The following ST3GAL2 variants were observed in gnomAD, a reference collection of about 807,000 sequenced individuals.
ST3GAL2 encodes the protein ST3 beta-galactoside alpha-2,3-sialyltransferase 2.
In ST3GAL2, 16 loss-of-function variants were observed where a neutral mutation model predicts 37.5. The observed-to-expected ratio is 0.43, with a 90% CI of 0.29 to 0.65. The LOEUF (loss-of-function observed/expected upper bound fraction) is 0.65, where lower values mean the gene tolerates loss of function less well. Ranked by LOEUF, ST3GAL2 falls within the 30% of genes least tolerant of loss-of-function variation. The probability of loss-of-function intolerance (pLI) is 0.17; values close to 1 mark genes in which losing one functional copy is unlikely to be tolerated. For synonymous variants in ST3GAL2, 238 were observed against 202.9 expected (o/e 1.17, Z -1.47); for missense variants, 383 against 487.8 (o/e 0.79, Z 2.02).
chr16:70,438,109 T>C (rs1321689748), intron 1 of ST3GAL2, among the ~76,000 whole-genome samples: 3 of 152,106 alleles, frequency 2.0e-5, no homozygotes, highest in African/African-American at 2.4e-5. Context: ...AAGGCTAACT[T>C]GAGCAAGCAA....
At chr16:70,408,716 G>A (rs920259427) in intron 1 of ST3GAL2, among the ~76,000 whole-genome samples, 9 of 151,246 alleles carry the variant, frequency 6.0e-5, no homozygotes, top group African/African-American at 2.2e-4. Context: ...TCTTGATGCC[G>A]CCCAGAGTTT....
At chr16:70,425,804 C>T (rs1291268898) in intron 1 of ST3GAL2, among the ~76,000 whole-genome samples, 3 of 152,136 alleles carry the variant, frequency 2.0e-5, no homozygotes, top group African/African-American at 7.2e-5. Flanking sequence ...CTTGATAAAT[C>T]GACCCAGCTC....
chr16:70,383,601 G>A (rs979995730), intron 4 of ST3GAL2, among the ~76,000 whole-genome samples: 4 of 150,836 alleles, frequency 2.7e-5, no homozygotes, highest in African/African-American at 9.8e-5. Flanking sequence ...GGAGGGGAAG[G>A]GAAAGGGAAG....
chr16:70,406,969 T>C (rs2047596742), intron 1 of ST3GAL2, among the ~76,000 whole-genome samples: 1 of 152,116 alleles, frequency 6.6e-6, no homozygotes, highest in Non-Finnish European at 1.5e-5. Context: ...AGTGTCGTCC[T>C]GGAGGGGGGC....
At chr16:70,436,395 G>C (rs751857720) in intron 1 of ST3GAL2, among the ~76,000 whole-genome samples, 4 of 149,852 alleles carry the variant, frequency 2.7e-5, no homozygotes, top group Non-Finnish European at 4.4e-5. Flanking sequence ...AGGCTGCAGT[G>C]AGCCGAGATC....
At chr16:70,391,068 C>CTA (rs768409075) in intron 3 of ST3GAL2, among the ~76,000 whole-genome samples, 1 of 152,142 alleles carries the variant, frequency 6.6e-6, no homozygotes, top group Non-Finnish European at 1.5e-5. Flanking sequence ...CATTCCCTGT[C>CTA]CTTAGAGTGG....
rs1192370413 is a variant in ST3GAL2, at chr16:70,376,033, C to G, written c.*5656G>C. 6.6e-6 allele frequency: 1 copy of G among 152,234 alleles called. No individual in the cohort carries two copies. The allele number at this position is 152,234 out of a possible 1,614,324, so 9.4% of individuals were successfully genotyped here. A position where few individuals can be genotyped will look rare whatever the true frequency, so the allele number is the denominator to read the frequency against. On this transcript the variant is annotated 3_prime_UTR_variant, in exon 7 of 7. Transcript: ENST00000342907. ...GCAAAGACAGCTGAGATGTCAAACT[C>G]TTCCCTTTCATGGTCTCCAGTGCGG...
chr16:70,418,583 C>A (rs539160189), intron 1 of ST3GAL2, among the ~76,000 whole-genome samples: 1 of 152,190 alleles, frequency 6.6e-6, no homozygotes, highest in Non-Finnish European at 1.5e-5. Flanking sequence ...CAGCCCCGCT[C>A]GGCGAGCAGG....
chr16:70,383,950 T>C (rs2047424124), intron 4 of ST3GAL2, among the ~76,000 whole-genome samples: 1 of 151,866 alleles, frequency 6.6e-6, no homozygotes, highest in Admixed American at 6.6e-5. Flanking sequence ...TCATCTCAAA[T>C]CCACCATGTC....
At chr16:70,427,801 T>C (rs1410013270) in intron 1 of ST3GAL2, among the ~76,000 whole-genome samples, 2 of 152,220 alleles carry the variant, frequency 1.3e-5, no homozygotes, top group African/African-American at 4.8e-5. Flanking sequence ...CTCAGATCTA[T>C]TTCTCGCTCT....
chr16:70,433,277 T>C (rs2047803655), intron 1 of ST3GAL2, among the ~76,000 whole-genome samples: 1 of 152,056 alleles, frequency 6.6e-6, no homozygotes, highest in African/African-American at 2.4e-5. Flanking sequence ...CTCTATCTAG[T>C]TCTCCATCTC....
chr16:70,438,701 G>A (rs1402331259), intron 1 of ST3GAL2, among the ~76,000 whole-genome samples: 1 of 152,166 alleles, frequency 6.6e-6, no homozygotes, highest in South Asian at 2.1e-4. Context: ...AAGGAGCGGA[G>A]CGGGAGCCCT....
chr16:70,390,260 T>C (rs780291942), intron 3 of ST3GAL2, among the ~76,000 whole-genome samples: 29 of 152,194 alleles, frequency 1.9e-4, no homozygotes, highest in African/African-American at 6.5e-4. Context: ...TTTGTAGAGA[T>C]AGGGGTCTCA....
chr16:70,423,044 G>T (rs2047726231), intron 1 of ST3GAL2: 1 of 152,364 alleles, frequency 6.6e-6, no homozygotes, highest in Non-Finnish European at 1.5e-5. Flanking sequence ...AGAAAACACA[G>T]CCACACCAGA....
chr16:70,424,345 T>C (rs549617782), intron 1 of ST3GAL2, among the ~76,000 whole-genome samples: 3 of 147,114 alleles, frequency 2.0e-5, no homozygotes, highest in Admixed American at 6.7e-5. Context: ...CTAATGCCTA[T>C]AATCCCAGCA....
intron 1 of ST3GAL2, among the ~76,000 whole-genome samples, chr16:70,420,575 G>T (rs915739704): frequency 6.6e-6 from 1 of 152,216 alleles, no homozygotes; most frequent in Non-Finnish European, 1.5e-5. Context: ...GCCTGCAGAC[G>T]TCTGCTGGCC....
At chr16:70,429,320 A>G (rs749397731) in intron 1 of ST3GAL2, among the ~76,000 whole-genome samples, 121 of 152,196 alleles carry the variant, frequency 8.0e-4, no homozygotes, top group Admixed American at 1.8e-3. Flanking sequence ...GAGGCCGGGT[A>G]AGGTGGCTCA....
rs534174102 is a variant in ST3GAL2 at position 70,383,237 on chromosome 16, T to G, written c.714-2A>C. On this transcript the variant is annotated splice_acceptor_variant, in intron 4 of 6. Coordinates refer to ENST00000342907, the MANE Select transcript of ST3GAL2 (RefSeq NM_006927.4). LOFTEE classifies it high-confidence loss of function. ...AAGGACTTCACTGGGGCGTAGGTGC[T>G]GTAAGCAAAAAGAAAGAAAGATAAC... 1 of 1,602,098 alleles carries G rather than the reference T, an allele frequency of 6.2e-7. No homozygotes were observed. The highest frequency in any genetic ancestry group is 2.2e-5 in the East Asian group (1 of 44,790).
intron 1 of ST3GAL2, among the ~76,000 whole-genome samples, chr16:70,430,260 C>T (rs781515209): frequency 7.9e-5 from 12 of 152,370 alleles, no homozygotes; most frequent in Admixed American, 1.3e-4. Flanking sequence ...AAGACAATGC[C>T]CTCTAAAATA....
Sources: allele counts gnomAD v4.1 joint callset (sites outside exome capture counted in the v4.1 genomes callset), GRCh38; gene constraint gnomAD v4.1.1; transcripts MANE v1.5; gene names NCBI Gene and HGNC (gene_info 2026-07-23, HGNC 2026-07-21).